The following TMEM229B variants were observed in gnomAD, a reference collection of about 807,000 sequenced individuals.
TMEM229B encodes transmembrane protein 229B.
A neutral mutation model predicts 13.7 loss-of-function variants in TMEM229B; 6 were observed. The ratio of observed to expected loss-of-function variants is 0.44; its 90% confidence interval spans 0.24 to 0.86. The LOEUF is 0.86. TMEM229B is among the 40% of genes least tolerant of loss of function. The pLI is 0.23. For missense variants in TMEM229B, 170 were observed against 236.0 expected (o/e 0.72, Z 1.83); for synonymous variants, 107 against 102.1 (o/e 1.05, Z -0.29).
At chr14:67,510,485 G>A (rs2032990608) in intron 1 of TMEM229B, among the ~76,000 whole-genome samples, 1 of 152,204 alleles carries the variant, frequency 6.6e-6, no homozygotes. Flanking sequence ...GTTAGAAACT[G>A]TGCAGGCTAT....
In TMEM229B at chr14:67,476,265, C is replaced by T. The variant is rs537558132; in HGVS notation, c.-18-2324G>A. 3.3e-5 allele frequency among the ~76,000 whole-genome samples: 5 copies of T among 152,320 alleles called. No homozygotes were observed. In the East Asian group the frequency reaches 5.8e-4, roughly 18 times the overall value. Reference sequence around the variant, plus strand: ...TTGCTCTGTGGTCTTCCAAGCACTTCGTTCGCATTTTGTCATGGTTCTTAC... The same window carrying T: ...TTGCTCTGTGGTCTTCCAAGCACTTTGTTCGCATTTTGTCATGGTTCTTAC... On this transcript the variant is annotated intron_variant, in intron 2 of 2. Coordinates refer to ENST00000554480, the MANE Select transcript of TMEM229B (RefSeq NM_001348543.2).
At chr14:67,532,401 C>G (rs2033491148) in intron 1 of TMEM229B, among the ~76,000 whole-genome samples, 1 of 152,078 alleles carries the variant, frequency 6.6e-6, no homozygotes, top group East Asian at 1.9e-4. Context: ...CTGCAATGGT[C>G]TCTATTTGCA....
chr14:67,488,822 C>T (rs1212151161), upstream of TMEM229B: 1 of 152,282 alleles, frequency 6.6e-6, no homozygotes, highest in Non-Finnish European at 1.5e-5. Flanking sequence ...GCAGCCCTGG[C>T]AGATGAAGCC....
upstream of TMEM229B, among the ~76,000 whole-genome samples, chr14:67,516,854 A>G (rs540137235): frequency 2.6e-5 from 4 of 152,300 alleles, no homozygotes; most frequent in South Asian, 4.1e-4. Flanking sequence ...GGGTTCCTCA[A>G]ACTAGTACAG....
upstream of TMEM229B, among the ~76,000 whole-genome samples, chr14:67,489,875 A>T (rs1016686332): frequency 2.6e-5 from 4 of 152,102 alleles, no homozygotes; most frequent in African/African-American, 7.2e-5. Flanking sequence ...CTGTAGTCCC[A>T]GCTACTTGGG....
At position 67,486,792 on chromosome 14, in the gene TMEM229B, G is replaced by A. The variant is rs569078525; in HGVS notation, c.-19+208C>T. Among the ~76,000 whole-genome samples, 25 of 152,300 alleles carry A rather than the reference G, an allele frequency of 1.6e-4. No homozygotes were observed. The South Asian group carries it at 1.7e-3, about 10-fold the overall frequency. ...AAACTAATACACTGGGTCTGGCCTG[G>A]ATTTTAGAGGCCATGTGGCCATAAG... is the stretch of plus-strand genomic sequence containing the variant. On this transcript the variant is annotated intron_variant, in intron 2 of 2. Coordinates refer to ENST00000554480, the MANE Select transcript of TMEM229B (RefSeq NM_001348543.2).
chr14:67,519,844 T>G (rs2033265247), upstream of TMEM229B, among the ~76,000 whole-genome samples: 1 of 151,826 alleles, frequency 6.6e-6, no homozygotes, highest in Admixed American at 6.6e-5. Flanking sequence ...TGCTTCAGCC[T>G]CCCATGTAGC....
chr14:67,511,165 G>T (rs932679644), intron 1 of TMEM229B, among the ~76,000 whole-genome samples: 2 of 152,068 alleles, frequency 1.3e-5, no homozygotes, highest in African/African-American at 4.8e-5. Flanking sequence ...ATGAATGAAT[G>T]GGCCAGCTAG....
At chr14:67,518,132 C>T (rs1360922149), upstream of TMEM229B, among the ~76,000 whole-genome samples, 1 of 152,148 alleles carries the variant, frequency 6.6e-6, no homozygotes, top group Non-Finnish European at 1.5e-5. Context: ...GGTGAAGGGG[C>T]CTGGAACAAA....
At chr14:67,487,362 A>G (rs1226577900) in intron 1 of TMEM229B, among the ~76,000 whole-genome samples, 190 bp from the exon 2 acceptor site, 1 of 152,188 alleles carries the variant, frequency 6.6e-6, no homozygotes, top group East Asian at 1.9e-4. Flanking sequence ...TCCAGCCACA[A>G]AAGTCTGGGA....
intron 1 of TMEM229B, among the ~76,000 whole-genome samples, chr14:67,500,104 C>T (rs1263582186): frequency 2.0e-5 from 3 of 152,096 alleles, no homozygotes; most frequent in Non-Finnish European, 2.9e-5. Context: ...TGGGAGGATA[C>T]CTTGAGCTAT....
intron 1 of TMEM229B, among the ~76,000 whole-genome samples, chr14:67,514,118 C>G (rs916849936): frequency 1.3e-5 from 2 of 152,138 alleles, no homozygotes; most frequent in African/African-American, 4.8e-5. Flanking sequence ...CCCAAGGTTA[C>G]ACCAGCAGAA....
intron 2 of TMEM229B, among the ~76,000 whole-genome samples, chr14:67,474,914 CTTT>C (rs71129825): frequency 9.6e-5 from 12 of 124,920 alleles, no homozygotes; most frequent in African/African-American, 1.6e-4. Context: ...GAATTTCCTT[CTTT>C]TTTTTTTTTT....
chr14:67,520,961 C>T (rs1035079909), intron 1 of TMEM229B, among the ~76,000 whole-genome samples: 25 of 152,236 alleles, frequency 1.6e-4, no homozygotes, highest in African/African-American at 5.8e-4. Flanking sequence ...TGTTGCTTCA[C>T]ATCCTCATCT....
intron 2 of TMEM229B, among the ~76,000 whole-genome samples, chr14:67,484,138 T>A (rs2031744249): frequency 6.6e-6 from 1 of 152,224 alleles, no homozygotes; most frequent in Admixed American, 6.5e-5. Flanking sequence ...TCCATTTTAT[T>A]TTCTACATAG....
chr14:67,479,484 G>A (rs1024791566), intron 2 of TMEM229B, among the ~76,000 whole-genome samples: 3 of 150,346 alleles, frequency 2.0e-5, no homozygotes, highest in South Asian at 2.1e-4. Flanking sequence ...TTGGGAGGCC[G>A]AGGTGGGTAG....
At chr14:67,489,907 G>C (rs920900583), upstream of TMEM229B, among the ~76,000 whole-genome samples, 2 of 151,900 alleles carry the variant, frequency 1.3e-5, no homozygotes, top group African/African-American at 4.8e-5. Flanking sequence ...GGAGAATGGC[G>C]TGAACCTGGG....
upstream of TMEM229B, among the ~76,000 whole-genome samples, chr14:67,490,388 C>T (rs768578446): frequency 3.9e-5 from 6 of 152,214 alleles, no homozygotes; most frequent in Non-Finnish European, 8.8e-5. Context: ...GCAAGGAAGA[C>T]TGGGGCAGGA....
In TMEM229B at chr14:67,473,494, A is replaced by G; in HGVS notation, c.430T>C (p.Phe144Leu). ...FIIRNTLRLR[F>L]DKDAEPGEPS... Reference sequence around the variant, plus strand: ...TCCCCGGGCTCAGCGTCCTTGTCGAAGCGGAGGCGGAGGGTGTTGCGGATG... The same window carrying G: ...TCCCCGGGCTCAGCGTCCTTGTCGAGGCGGAGGCGGAGGGTGTTGCGGATG... The change falls in exon 3 of 3, where the codon TTC (phenylalanine) becomes CTC (leucine). Residue 144 changes from phenylalanine (F) to leucine (L), a missense_variant. Phe to Leu is a conservative substitution (Grantham distance 22). Transcript: ENST00000554480. The surrounding 1 kb of genome is among the most constrained non-coding windows in gnomAD (Gnocchi z 6.5). The G allele has an allele frequency of 6.2e-7, 1 of 1,614,156 alleles. No individual in the cohort carries two copies. Among genetic ancestry groups the G allele is most frequent in the Non-Finnish European group, 8.5e-7 (1 of 1,180,030 alleles).
Sources: gnomAD v4.1 joint callset for allele counts (sites outside exome capture counted in the v4.1 genomes callset) on GRCh38, gnomAD v4.1.1 for gene constraint, Gnocchi (gnomAD v3.1) non-coding constraint, MANE v1.5 for transcripts, NCBI Gene and HGNC (gene_info 2026-07-23, HGNC 2026-07-21) for gene names.